MYRIP: variants seen among roughly 807,000 people sequenced by gnomAD.
The protein encoded by MYRIP is rab effector MyRIP.
MYRIP carries 49 observed loss-of-function variants against 98.0 expected under a neutral mutation model. The observed-to-expected ratio is 0.50, with a 90% CI of 0.40 to 0.63. The LOEUF (loss-of-function observed/expected upper bound fraction) is 0.63, where lower values mean the gene tolerates loss of function less well. Ranked by LOEUF, MYRIP falls within the 30% of genes least tolerant of loss-of-function variation. The pLI is 0.00. For synonymous variants in MYRIP, 404 were observed against 409.5 expected, an observed-to-expected ratio of 0.99 and a Z score of 0.16; for missense variants, 1,004 against 1,058.2, an observed-to-expected ratio of 0.95 and a Z score of 0.71.
intron 3 of MYRIP, among the ~76,000 whole-genome samples, chr3:40,064,301 G>A (rs1216152881): frequency 6.6e-6 from 1 of 151,832 alleles, no homozygotes; most frequent in Non-Finnish European, 1.5e-5. Flanking sequence ...ACTCTAGGGT[G>A]TGCCTTCTCA....
intron 5 of MYRIP, 142 bp downstream of exon 5, chr3:40,162,952 A>G (rs1397836118): frequency 1.5e-6 from 1 of 672,540 alleles, no homozygotes; most frequent in Non-Finnish European, 2.5e-6. Context: ...TCCCTGGGTC[A>G]CTTATTATTG....
At chr3:40,194,561 A>G in intron 10 of MYRIP, among the ~76,000 whole-genome samples, 1 of 152,082 alleles carries the variant, frequency 6.6e-6, no homozygotes, top group South Asian at 2.1e-4. Context: ...GGCTTTTCTC[A>G]GTCCTTCACT....
At chr3:39,973,049 A>T (rs1265156301) in intron 2 of MYRIP, among the ~76,000 whole-genome samples, 1 of 151,952 alleles carries the variant, frequency 6.6e-6, no homozygotes, top group African/African-American at 2.4e-5. Context: ...TGGAGGGAAT[A>T]TTCATATATA....
chr3:40,120,346 CCTTA>C (rs1418600739), intron 3 of MYRIP, among the ~76,000 whole-genome samples: 1 of 152,038 alleles, frequency 6.6e-6, no homozygotes, highest in Admixed American at 6.5e-5. Context: ...AAGGAAAACA[CCTTA>C]CTTATTATAT....
At chr3:39,934,910 T>C (rs6802188) in intron 2 of MYRIP, among the ~76,000 whole-genome samples, 31,666 of 152,064 alleles carry the variant, frequency 0.21, 5,076 homozygotes, top group African/African-American at 0.45. Context: ...TCCCCTCTAG[T>C]CCCACACTGT....
intron 2 of MYRIP, among the ~76,000 whole-genome samples, chr3:39,902,126 T>C (rs1943757465): frequency 6.6e-6 from 1 of 152,170 alleles, no homozygotes; most frequent in African/African-American, 2.4e-5. Context: ...TGTCATTCAC[T>C]GAATATAAAG....
chr3:39,964,664 T>C (rs1945398515), intron 2 of MYRIP, among the ~76,000 whole-genome samples: 1 of 152,164 alleles, frequency 6.6e-6, no homozygotes, highest in Non-Finnish European at 1.5e-5. Context: ...AGGGTCAGGC[T>C]GCAAGTAAAA....
chr3:39,877,451 T>C (rs1472012911), intron 1 of MYRIP, among the ~76,000 whole-genome samples: 2 of 151,490 alleles, frequency 1.3e-5, no homozygotes, highest in Non-Finnish European at 2.9e-5. Context: ...TTCTGCTCTG[T>C]TTTTTCCCCA....
intron 1 of MYRIP, among the ~76,000 whole-genome samples, chr3:39,831,380 AGCTGAACTCCT>A (rs1487390968): frequency 6.6e-6 from 1 of 152,082 alleles, no homozygotes; most frequent in African/African-American, 2.4e-5. Context: ...ACCTTCTAAA[AGCTGAACTCCT>A]GCTCTTCCCT....
intron 10 of MYRIP, among the ~76,000 whole-genome samples, chr3:40,191,197 C>T (rs192178487): frequency 1.3e-5 from 2 of 152,320 alleles, no homozygotes; most frequent in East Asian, 3.9e-4. Context: ...TGTATACACA[C>T]ACATACTCAC....
chr3:39,914,545 ACAATCTATATTAACTT>A (rs1434959508), intron 2 of MYRIP, among the ~76,000 whole-genome samples: 5 of 152,246 alleles, frequency 3.3e-5, no homozygotes, highest in South Asian at 2.1e-4. Flanking sequence ...AATAAAATAA[ACAATCTATATTAACTT>A]CAATCTATAT....
At chr3:39,861,594 T>C (rs1942470727) in intron 1 of MYRIP, among the ~76,000 whole-genome samples, 1 of 152,080 alleles carries the variant, frequency 6.6e-6, no homozygotes, top group African/African-American at 2.4e-5. Flanking sequence ...TGCTATTGAA[T>C]TCAATAAAAT....
At chr3:39,861,099 T>A (rs564156076) in intron 1 of MYRIP, among the ~76,000 whole-genome samples, 2 of 152,358 alleles carry the variant, frequency 1.3e-5, no homozygotes, top group East Asian at 3.9e-4. Context: ...AAGGGTGTTG[T>A]GACCAGTGGT....
intron 2 of MYRIP, among the ~76,000 whole-genome samples, chr3:39,994,533 T>C (rs9839496): frequency 0.1 from 15,390 of 152,170 alleles, 1,359 homozygotes; most frequent in African/African-American, 0.23. Context: ...GTAAACAAAG[T>C]GGCCGGGAAG....
At chr3:40,172,729 C>A (rs1950644195) in intron 8 of MYRIP, among the ~76,000 whole-genome samples, 1 of 152,190 alleles carries the variant, frequency 6.6e-6, no homozygotes, top group South Asian at 2.1e-4. Context: ...CTGCTGCCAC[C>A]AGCCCAACCC....
At chr3:40,218,732 G>C (rs1952233411) in intron 11 of MYRIP, among the ~76,000 whole-genome samples, 1 of 148,612 alleles carries the variant, frequency 6.7e-6, no homozygotes, top group African/African-American at 2.5e-5. Context: ...AAATTAACTA[G>C]TTTTGCTAGG....
chr3:39,886,939 G>A (rs1358710300), intron 1 of MYRIP, among the ~76,000 whole-genome samples: 1 of 152,070 alleles, frequency 6.6e-6, no homozygotes, highest in East Asian at 1.9e-4. Flanking sequence ...ATAGTTGGAA[G>A]TAAAGCTCTC....
intron 4 of MYRIP, 98 bp downstream of exon 4, chr3:40,151,282 C>T: frequency 7.6e-7 from 1 of 1,313,696 alleles, no homozygotes; most frequent in Non-Finnish European, 1.0e-6. Context: ...TCACCTGGGA[C>T]AGATAAATTT....
At chr3:39,911,331 T>TGTG (rs1281047080) in intron 2 of MYRIP, among the ~76,000 whole-genome samples, 4 of 152,252 alleles carry the variant, frequency 2.6e-5, no homozygotes, top group African/African-American at 4.8e-5. Context: ...CTTTTTAACT[T>TGTG]GTGGTCCTTC....
Sources: gnomAD v4.1 joint callset for allele counts (sites outside exome capture counted in the v4.1 genomes callset) on GRCh38, gnomAD v4.1.1 for gene constraint, MANE v1.5 for transcripts, NCBI Gene and HGNC (gene_info 2026-07-23, HGNC 2026-07-21) for gene names.